CDH8: variants seen among roughly 807,000 people sequenced by gnomAD.
CDH8 encodes the protein cadherin 8.
In CDH8, 17 loss-of-function variants were observed where a neutral mutation model predicts 68.1. The observed-to-expected ratio is 0.25, with a 90% confidence interval of 0.17 to 0.37. The LOEUF (loss-of-function observed/expected upper bound fraction) is 0.37. Among genes scored for constraint, CDH8 ranks in the 10% least tolerant of loss-of-function variants. CDH8 has a pLI of 1.00. For synonymous variants in CDH8, 372 were observed against 365.1 expected (o/e 1.02, Z -0.21); for missense variants, 763 against 999.3 (o/e 0.76, Z 3.19).
chr16:62,021,304 G>T lies in CDH8; in HGVS notation c.100C>A (p.Gln34Lys). 1 of 1,613,950 alleles carries T rather than the reference G, an allele frequency of 6.2e-7. No homozygotes were observed. The highest frequency in any genetic ancestry group is 8.5e-7 in the Non-Finnish European group (1 of 1,179,924). ...PPCIYMAPMN[Q>K]SQVLMSGSPL... ...GATCCACTCATTAAAACTTGAGACTGATTCATCGGAGCCATGTAAATGCAA... is the reference window on the plus strand; with the variant it reads ...GATCCACTCATTAAAACTTGAGACTTATTCATCGGAGCCATGTAAATGCAA... The change falls in exon 2 of 12, where the codon CAG (glutamine) becomes AAG (lysine). Residue 34 changes from glutamine (Q) to lysine (K), a missense_variant. Gln to Lys is a moderately conservative substitution (Grantham distance 53). Coordinates refer to ENST00000577390, the MANE Select transcript of CDH8 (RefSeq NM_001796.5).
chr16:62,013,006 G>C lies in CDH8; in HGVS notation c.252+8146C>G, dbSNP rs368440151. ...GCGGTGGCTCACGCCTGTAATCCCA[G>C]CACTTTGGGAGGCCGAGGCGGGTGG... On this transcript the variant is annotated intron_variant, in intron 2 of 11. Coordinates refer to ENST00000577390, the MANE Select transcript of CDH8 (RefSeq NM_001796.5). Among the ~76,000 whole-genome samples, 8 of 98,584 alleles carry C rather than the reference G, an allele frequency of 8.1e-5. 3 individuals are homozygous for C. In the East Asian group the frequency reaches 3.9e-3, roughly 48 times the overall value. The allele number at this position is 98,584 out of a possible 152,430, so 64.7% of individuals were successfully genotyped here. A position where few individuals can be genotyped will look rare whatever the true frequency, so the allele number is the denominator to read the frequency against.
intron 4 of CDH8, among the ~76,000 whole-genome samples, chr16:61,854,129 T>TAC (rs3069985): frequency 0.049 from 7,095 of 145,660 alleles, 240 homozygotes; most frequent in Non-Finnish European, 0.067. Flanking sequence ...CATATACACA[T>TAC]ACACACACAC....
intron 2 of CDH8, among the ~76,000 whole-genome samples, chr16:61,978,457 A>G (rs1965477459): frequency 6.6e-6 from 1 of 152,212 alleles, no homozygotes; most frequent in South Asian, 2.1e-4. Flanking sequence ...TCCAAATAAA[A>G]TGCTTGATGT....
intron 8 of CDH8, among the ~76,000 whole-genome samples, chr16:61,744,872 G>A (rs1959974002): frequency 6.6e-6 from 1 of 150,880 alleles, no homozygotes; most frequent in Admixed American, 6.6e-5. Context: ...CATCATTTTT[G>A]TTATGTATTT....
intron 2 of CDH8, among the ~76,000 whole-genome samples, chr16:61,921,283 A>T (rs1216350378): frequency 6.6e-6 from 1 of 151,520 alleles, no homozygotes; most frequent in Non-Finnish European, 1.5e-5. Context: ...AAAAGAAAAA[A>T]AAAAGAGTGT....
chr16:61,954,714 A>AAAAG (rs1555524384), intron 2 of CDH8, among the ~76,000 whole-genome samples: 40 of 151,348 alleles, frequency 2.6e-4, no homozygotes, highest in South Asian at 6.2e-4. Flanking sequence ...AAAAAAAAAA[A>AAAAG]AAAGAAAGAA....
intron 8 of CDH8, 56 bp from the exon 9 acceptor site, chr16:61,727,271 C>T (rs1959402948): frequency 1.3e-6 from 2 of 1,515,058 alleles, no homozygotes; most frequent in South Asian, 1.3e-5. Flanking sequence ...TAACGTGCAA[C>T]TCAACTTTCT....
At chr16:61,938,113 A>T (rs886713456) in intron 2 of CDH8, 3 of 152,154 alleles carry the variant, frequency 2.0e-5, no homozygotes, top group African/African-American at 7.2e-5. Flanking sequence ...AAAGTAATAG[A>T]GATTTTTTTA....
At chr16:62,025,607 T>A (rs1357491774) in intron 1 of CDH8, among the ~76,000 whole-genome samples, 1 of 152,182 alleles carries the variant, frequency 6.6e-6, no homozygotes, top group East Asian at 1.9e-4. Flanking sequence ...GTAGGGAGCT[T>A]CTAGAGACTG....
chr16:61,712,337 C>T (rs545246856), intron 10 of CDH8, among the ~76,000 whole-genome samples: 1 of 151,630 alleles, frequency 6.6e-6, no homozygotes, highest in East Asian at 1.9e-4. Flanking sequence ...CCTTCTAGAG[C>T]CACACAAGAA....
intron 2 of CDH8, among the ~76,000 whole-genome samples, chr16:61,952,496 A>T (rs1964913491): frequency 6.6e-6 from 1 of 152,176 alleles, no homozygotes; most frequent in African/African-American, 2.4e-5. Context: ...CATGTAAAAG[A>T]TTTTCAGAAG....
chr16:61,924,342 C>A (rs1185510204), intron 2 of CDH8, among the ~76,000 whole-genome samples: 1 of 152,054 alleles, frequency 6.6e-6, no homozygotes, highest in African/African-American at 2.4e-5. Flanking sequence ...ATTTATAATA[C>A]TTCTACTGTG....
intron 2 of CDH8, among the ~76,000 whole-genome samples, chr16:61,989,501 C>A (rs1036002753): frequency 6.6e-6 from 1 of 152,134 alleles, no homozygotes; most frequent in Non-Finnish European, 1.5e-5. Flanking sequence ...CCTGGAAGAA[C>A]AATATACACA....
intron 2 of CDH8, among the ~76,000 whole-genome samples, chr16:61,987,399 T>C (rs948362872): frequency 1.3e-5 from 2 of 151,954 alleles, no homozygotes; most frequent in Non-Finnish European, 2.9e-5. Context: ...CCCAGCTACA[T>C]GGGAGGCTGA....
At chr16:61,991,271 A>G (rs1029354783) in intron 2 of CDH8, among the ~76,000 whole-genome samples, 2 of 152,206 alleles carry the variant, frequency 1.3e-5, no homozygotes, top group Non-Finnish European at 2.9e-5. Context: ...AGGTACTACC[A>G]TCTGCCACAC....
intron 2 of CDH8, among the ~76,000 whole-genome samples, chr16:61,976,242 A>G (rs962250839): frequency 1.3e-5 from 2 of 152,232 alleles, no homozygotes; most frequent in African/African-American, 4.8e-5. Context: ...TCTGACTCTT[A>G]GCTTGCAAAG....
intron 2 of CDH8, among the ~76,000 whole-genome samples, chr16:61,946,049 A>G (rs1964796298): frequency 6.6e-6 from 1 of 152,156 alleles, no homozygotes; most frequent in Non-Finnish European, 1.5e-5. Context: ...AAGGATTCTC[A>G]AAAATTTGAG....
chr16:61,791,834 C>G (rs1483843550), intron 7 of CDH8, among the ~76,000 whole-genome samples: 2 of 151,948 alleles, frequency 1.3e-5, no homozygotes, highest in African/African-American at 4.8e-5. Context: ...AAATTTAGAG[C>G]AAATTATATC....
intron 3 of CDH8, among the ~76,000 whole-genome samples, chr16:61,886,508 C>A (rs551356812): frequency 6.6e-6 from 1 of 152,278 alleles, no homozygotes; most frequent in African/African-American, 2.4e-5. Flanking sequence ...CATAATACAT[C>A]TCTCCATTTT....
Sources: gnomAD v4.1 joint callset for allele counts (sites outside exome capture counted in the v4.1 genomes callset) on GRCh38, gnomAD v4.1.1 for gene constraint, MANE v1.5 for transcripts, NCBI Gene and HGNC (gene_info 2026-07-23, HGNC 2026-07-21) for gene names.